Variants in LATS2 observed in about 807,000 individuals in gnomAD.
LATS2 encodes large tumor suppressor kinase 2, also known as serine/threonine-protein kinase LATS2.
LATS2 carries 24 observed loss-of-function variants against 76.0 expected under a neutral mutation model. That is an observed-to-expected ratio of 0.32 (90% CI 0.23 to 0.44). The LOEUF (loss-of-function observed/expected upper bound fraction) is 0.44. LATS2 is among the 20% of genes least tolerant of loss of function. The pLI, the probability that LATS2 is intolerant of heterozygous loss-of-function variation, is 1.00. For missense variants in LATS2, 1,286 were observed against 1,481.2 expected, an observed-to-expected ratio of 0.87 and a Z score of 2.16; for synonymous variants, 692 against 635.4, an observed-to-expected ratio of 1.09 and a Z score of -1.34.
chr13:21,031,726 G>A (rs762778383), intron 2 of LATS2, among the ~76,000 whole-genome samples: 34 of 152,100 alleles, frequency 2.2e-4, no homozygotes, highest in Admixed American at 1.4e-3. Flanking sequence ...TGAGCGTGGC[G>A]AAGTGTGCCT....
intron 2 of LATS2, among the ~76,000 whole-genome samples, chr13:21,019,650 T>C (rs954987520): frequency 8.6e-6 from 1 of 115,730 alleles, no homozygotes; most frequent in Non-Finnish European, 1.8e-5. Flanking sequence ...GCTGGATTTG[T>C]TATTATTTTT....
intron 2 of LATS2, among the ~76,000 whole-genome samples, chr13:21,019,420 G>A (rs1243262048): frequency 6.7e-6 from 1 of 149,212 alleles, no homozygotes; most frequent in Admixed American, 6.7e-5. Context: ...TCTGCCTCCC[G>A]GGTTCAAGCG....
intron 2 of LATS2, among the ~76,000 whole-genome samples, chr13:20,994,526 G>A (rs1413656318): frequency 1.3e-5 from 2 of 152,310 alleles, no homozygotes; most frequent in East Asian, 1.9e-4. Flanking sequence ...GCCAGGATGC[G>A]GGAGGAGTGT....
chr13:20,994,934 C>T (rs188171678), intron 2 of LATS2, among the ~76,000 whole-genome samples: 6 of 151,912 alleles, frequency 3.9e-5, no homozygotes, highest in East Asian at 1.9e-4. Flanking sequence ...TATCTAGAAT[C>T]GTAGGTGGCT....
chr13:20,998,683 C>A, intron 2 of LATS2, among the ~76,000 whole-genome samples: 1 of 152,254 alleles, frequency 6.6e-6, no homozygotes, highest in East Asian at 1.9e-4. Flanking sequence ...GTGCCCCTCC[C>A]CTGAGCGCGG....
intron 1 of LATS2, among the ~76,000 whole-genome samples, chr13:21,049,112 C>T (rs954530561): frequency 3.3e-5 from 5 of 152,188 alleles, no homozygotes; most frequent in Non-Finnish European, 7.3e-5. Context: ...GCTCCACCCA[C>T]CACATTCAGG....
intron 2 of LATS2, among the ~76,000 whole-genome samples, chr13:21,002,549 G>A (rs1463156929): frequency 6.6e-6 from 1 of 151,740 alleles, no homozygotes; most frequent in Admixed American, 6.6e-5. Flanking sequence ...CTAATTTTCT[G>A]TATTTTTTAG....
intron 1 of LATS2, among the ~76,000 whole-genome samples, chr13:21,049,899 T>TAA (rs1873204118): frequency 6.6e-6 from 1 of 152,036 alleles, no homozygotes; most frequent in African/African-American, 2.4e-5. Flanking sequence ...GGCAGGCAGA[T>TAA]CACTTGAGGC....
intron 2 of LATS2, among the ~76,000 whole-genome samples, chr13:21,022,487 A>C (rs1872109157): frequency 6.6e-6 from 1 of 152,200 alleles, no homozygotes; most frequent in Non-Finnish European, 1.5e-5. Context: ...TTCTTCCTGT[A>C]TCCTGCAAAG....
intron 2 of LATS2, among the ~76,000 whole-genome samples, chr13:21,019,973 TAAAA>T (rs528686392): frequency 2.7e-5 from 3 of 112,154 alleles, no homozygotes; most frequent in Middle Eastern, 9.7e-3. Context: ...AGACTCCATC[TAAAA>T]AAAAAAAAAA....
chr13:20,987,543 T>C (rs1034721055), intron 4 of LATS2, among the ~76,000 whole-genome samples: 5 of 152,242 alleles, frequency 3.3e-5, no homozygotes, highest in African/African-American at 9.6e-5. Flanking sequence ...TCAAATGTTC[T>C]ATTATTAATC....
chr13:20,975,769 C>T (rs183930270), intron 7 of LATS2, among the ~76,000 whole-genome samples: 2,048 of 152,114 alleles, frequency 0.013, 56 homozygotes, highest in Admixed American at 0.074. Flanking sequence ...CTGCAACCTC[C>T]GCCTCCTGGG....
chr13:21,030,884 A>G (rs1221679885), intron 2 of LATS2, among the ~76,000 whole-genome samples: 1 of 150,238 alleles, frequency 6.7e-6, no homozygotes, highest in Non-Finnish European at 1.5e-5. Context: ...CCCCTTTAAT[A>G]TTTCTTTTAA....
At chr13:20,987,827 T>G in intron 4 of LATS2, 54 bp downstream of exon 4, 2 of 1,573,124 alleles carry the variant, frequency 1.3e-6, no homozygotes, top group South Asian at 1.2e-5. Context: ...TGCTTCCTAT[T>G]GCCAGTAGAG....
chr13:21,039,998 G>A (rs140921633), intron 2 of LATS2, among the ~76,000 whole-genome samples: 189 of 152,080 alleles, frequency 1.2e-3, no homozygotes, highest in African/African-American at 4.2e-3. Flanking sequence ...ACTTGAATCC[G>A]GAAGGCAGAG....
chr13:20,990,571 TG>T (rs1225836450), intron 3 of LATS2, among the ~76,000 whole-genome samples: 1 of 146,632 alleles, frequency 6.8e-6, no homozygotes, highest in African/African-American at 2.5e-5. Flanking sequence ...CCCAAAGAGT[TG>T]GGATTACACA....
Position 20,988,188 on chromosome 13 carries a change from T to C in LATS2, c.1592A>G (p.Tyr531Cys). ...GCCTGCGCACAGGCTGTCCAGGTCGTACTGCTCCGACTTGCTGCGCAGCAG... is the reference window on the plus strand; with the variant it reads ...GCCTGCGCACAGGCTGTCCAGGTCGCACTGCTCCGACTTGCTGCGCAGCAG... Reference protein sequence around the residue: ...HLLLRSKSEQYDLDSLCAGME... With the variant: ...HLLLRSKSEQCDLDSLCAGME... The change falls in exon 4 of 8, where the codon TAC (tyrosine) becomes TGC (cysteine). Residue 531 changes from tyrosine to cysteine, a missense_variant. This residue lies in a region of LATS2 where 710 missense variants were observed against 660.9 expected (regional missense o/e 1.07). Transcript: ENST00000382592. 1.2e-6 allele frequency: 2 copies of C among 1,613,234 alleles called. No homozygotes were observed. Among genetic ancestry groups the C allele is most frequent in the Non-Finnish European group, 1.7e-6 (2 of 1,179,896 alleles).
chr13:21,038,733 C>G (rs1402779128), intron 2 of LATS2: 1 of 152,134 alleles, frequency 6.6e-6, no homozygotes, highest in African/African-American at 2.4e-5. Context: ...AGCAGTCTTA[C>G]CAGGTGGCCG....
chr13:21,032,533 T>C (rs931194910), intron 2 of LATS2, among the ~76,000 whole-genome samples: 1 of 152,200 alleles, frequency 6.6e-6, no homozygotes, highest in Admixed American at 6.5e-5. Flanking sequence ...CCCAAAGTGC[T>C]GGGATTATAG....
Sources: allele counts gnomAD v4.1 joint callset (sites outside exome capture counted in the v4.1 genomes callset), GRCh38; gene constraint gnomAD v4.1.1; regional missense constraint gnomAD v4.1.1; transcripts MANE v1.5; gene names NCBI Gene and HGNC (gene_info 2026-07-23, HGNC 2026-07-21).